Variants in PLEKHG5 observed in about 807,000 individuals in gnomAD.
The protein encoded by PLEKHG5 is pleckstrin homology and RhoGEF domain containing G5, also known as pleckstrin homology domain-containing family G member 5.
A neutral mutation model predicts 103.8 loss-of-function variants in PLEKHG5; 52 were observed. The observed-to-expected ratio is 0.50, with a 90% CI of 0.40 to 0.63. PLEKHG5 has a LOEUF of 0.63. Ranked by LOEUF, PLEKHG5 falls within the 30% of genes least tolerant of loss-of-function variation. The pLI is 0.00. For missense variants in PLEKHG5, 1,205 were observed against 1,347.6 expected (o/e 0.89, Z 1.66); for synonymous variants, 592 against 575.5 (o/e 1.03, Z -0.41).
chr1:6,485,348 AC>A (rs1437679442), intron 1 of PLEKHG5: 11 of 1,423,320 alleles, frequency 7.7e-6, no homozygotes, highest in Middle Eastern at 2.1e-4. Context: ...CGCGGGCACG[AC>A]CCCCGGCCCA....
At chr1:6,475,855 T>C in intron 3 of PLEKHG5, 76 bp downstream of exon 3, 1 of 1,186,412 alleles carries the variant, frequency 8.4e-7, no homozygotes, top group Non-Finnish European at 1.3e-6. Flanking sequence ...CCAGAGCATC[T>C]GGTCCTGAAT....
At chr1:6,476,090 G>A (rs1644759664) in intron 2 of PLEKHG5, 54 bp from the exon 3 acceptor site, 1 of 1,490,282 alleles carries the variant, frequency 6.7e-7, no homozygotes, top group African/African-American at 1.4e-5. Context: ...TTAGCCTGCA[G>A]CATGGCTGCC....
intron 1 of PLEKHG5, among the ~76,000 whole-genome samples, chr1:6,484,807 C>T (rs1264162902): frequency 1.3e-5 from 2 of 152,148 alleles, no homozygotes; most frequent in African/African-American, 2.4e-5. Context: ...AGAGAGCCCA[C>T]CCATGGGAAC....
At chr1:6,485,763 C>T in intron 1 of PLEKHG5, 1 of 564,868 alleles carries the variant, frequency 1.8e-6, no homozygotes, top group Non-Finnish European at 2.3e-6. Context: ...CCGGGGGACC[C>T]CCACAGCCCC....
At chr1:6,501,500 A>G (rs753783109), upstream of PLEKHG5, among the ~76,000 whole-genome samples, 39 of 152,220 alleles carry the variant, frequency 2.6e-4, 1 homozygote, top group Non-Finnish European at 5.4e-4. This position sits in a 1 kb window ranked among gnomAD's most constrained non-coding sequence, Gnocchi z 4.3. Flanking sequence ...AGACGGCTTC[A>G]GGAACGACAC....
chr1:6,490,796 C>A lies in PLEKHG5; in HGVS notation c.-88+841G>T, dbSNP rs987802964. The stretch of plus-strand genomic sequence containing the variant: ...GGAGGGGGTGGGGGGCGTCACTGTC[C>A]CCGAGGGGCCAGCCCTTTGCAGATC... On this transcript the variant is annotated intron_variant, in intron 1 of 20. Transcript: ENST00000377728. The surrounding 1 kb of genome is among the most constrained non-coding windows in gnomAD (Gnocchi z 8.0). 7.9e-5 allele frequency among the ~76,000 whole-genome samples: 12 copies of A among 152,150 alleles called. No individual in the cohort carries two copies. Among genetic ancestry groups the A allele is most frequent in the African/African-American group, 2.9e-4 (12 of 41,430 alleles).
At chr1:6,483,143 G>A (rs1452086886) in intron 1 of PLEKHG5, among the ~76,000 whole-genome samples, 2 of 152,230 alleles carry the variant, frequency 1.3e-5, no homozygotes, top group Non-Finnish European at 2.9e-5. Flanking sequence ...GTTGGTTCTT[G>A]TGTCCCTCCG....
Position 6,468,463 on chromosome 1 carries a change from G to A in PLEKHG5, c.2373C>T (p.Thr791=). The change falls in exon 20 of 21, where the codon ACC becomes ACT. Residue 791 remains threonine (T), a synonymous_variant. Coordinates refer to ENST00000377728, the MANE Select transcript of PLEKHG5 (RefSeq NM_020631.6). The part of the protein sequence containing the change: ...SSQSDETSLS[T]TASSATPTSE... ...TGGTGGGCGTGGCAGATGAGGCAGT[G>A]GTGCTGAGAGAGGTCTCATCAGACT... The A allele has an allele frequency of 1.2e-6, 2 of 1,613,064 alleles. No individual in the cohort carries two copies. The highest frequency in any genetic ancestry group is 2.2e-5 in the South Asian group (2 of 91,076).
At position 6,467,887 on chromosome 1, in the gene PLEKHG5, C is replaced by T; in HGVS notation, c.2949G>A (p.Leu983=). ...TGATTCGGTAGAGCTGGGCCAGGGT[C>T]AGCTTCCTGTGCTGGGCAGAGACCC... The part of the protein sequence containing the change: ...PPGVSAQHRK[L]TLAQLYRIRT... The change falls in exon 20 of 21, where the codon CTG becomes CTA. Residue 983 remains leucine, a synonymous_variant. Coordinates refer to ENST00000377728, the MANE Select transcript of PLEKHG5 (RefSeq NM_020631.6). 6.2e-7 allele frequency: 1 copy of T among 1,611,156 alleles called. No individual in the cohort carries two copies. Among genetic ancestry groups the T allele is most frequent in the Middle Eastern group, 1.7e-4 (1 of 5,786 alleles).
rs1214327374 is a variant in PLEKHG5, at chr1:6,470,740, C to A, written c.1537G>T (p.Ala513Ser). The A allele has an allele frequency of 1.9e-6, 3 of 1,557,220 alleles. No individual in the cohort carries two copies. The African/African-American group carries it at 4.1e-5, about 21-fold the overall frequency. The change falls in exon 14 of 21, where the codon GCC (alanine) becomes TCC (serine). Residue 513 changes from alanine to serine, a missense_variant. Ala to Ser is a moderately conservative substitution (Grantham distance 99). Coordinates refer to ENST00000377728, the MANE Select transcript of PLEKHG5 (RefSeq NM_020631.6). ...EEPRAKEAVV[A>S]MIGSVERFIH... is the part of the protein sequence containing the mutation. ...CCGCTGGCCATCAGGGTTACCATGG[C>A]GACGACGGCCTCCTTGGCGCGCGGC...
In PLEKHG5 at chr1:6,486,748, G is replaced by A. The variant is rs576891559; in HGVS notation, c.-88+4889C>T. On this transcript the variant is annotated intron_variant, in intron 1 of 20. Transcript: ENST00000377728. The surrounding 1 kb of genome is among the most constrained non-coding windows in gnomAD (Gnocchi z 5.3). ...CGCTTTTACACTGATTCCCAGGAAGGCAGGGCAGGCACCATTAGCCCCATT... is the reference window on the plus strand; with the variant it reads ...CGCTTTTACACTGATTCCCAGGAAGACAGGGCAGGCACCATTAGCCCCATT... Among the ~76,000 whole-genome samples, 1 of 152,342 alleles carries A rather than the reference G, an allele frequency of 6.6e-6. No homozygotes were observed. The highest frequency in any genetic ancestry group is 6.5e-5 in the Admixed American group (1 of 15,300).
chr1:6,467,503 C>A lies in PLEKHG5; in HGVS notation c.*60G>T. On this transcript the variant is annotated 3_prime_UTR_variant, in exon 21 of 21. Transcript: ENST00000377728. ...TAGCTGAAGCAGGTGCCGGCACGCC[C>A]CAGGAGGCAGGCTGTCTGCTGTCTC... 1 of 1,569,134 alleles carries A rather than the reference C, an allele frequency of 6.4e-7. No homozygotes were observed. The highest frequency in any genetic ancestry group is 1.1e-5 in the South Asian group (1 of 90,154).
chr1:6,508,579 G>A (rs895190895), intron 1 of PLEKHG5, among the ~76,000 whole-genome samples: 11 of 152,236 alleles, frequency 7.2e-5, no homozygotes, highest in African/African-American at 2.4e-4. Flanking sequence ...TCCAAGGCAG[G>A]TAGACACACC....
upstream of PLEKHG5, among the ~76,000 whole-genome samples, chr1:6,494,844 C>CT (rs1553178752): frequency 2.0e-5 from 3 of 152,262 alleles, no homozygotes; most frequent in African/African-American, 2.4e-5. Context: ...GGCCCAGACT[C>CT]TCCCCGTGCA....
chr1:6,479,041 C>CT (rs58444261), intron 1 of PLEKHG5, among the ~76,000 whole-genome samples: 144,052 of 152,182 alleles, frequency 0.95, 68,594 homozygotes, highest in East Asian at 1. Flanking sequence ...ACCACATCTG[C>CT]TTCTCTCCCA....
chr1:6,505,586 C>T lies in PLEKHG5; in HGVS notation c.-164-9017G>A, dbSNP rs1323573702. On this transcript the variant is annotated intron_variant, in intron 1 of 21. Transcript: ENST00000377740. This position sits in a 1 kb window ranked among gnomAD's most constrained non-coding sequence, Gnocchi z 4.2. The stretch of plus-strand genomic sequence containing the variant: ...CTTCAGGGGCTTAAACTCCCTGTAC[C>T]TCTGTTTCCTCATCTGTAAAATGGG... 6.6e-6 allele frequency among the ~76,000 whole-genome samples: 1 copy of T among 152,186 alleles called. No homozygotes were observed. The highest frequency in any genetic ancestry group is 1.5e-5 in the Non-Finnish European group (1 of 68,036).
At chr1:6,518,461 G>A (rs1570017159) in intron 1 of PLEKHG5, among the ~76,000 whole-genome samples, 3 of 150,968 alleles carry the variant, frequency 2.0e-5, no homozygotes, top group East Asian at 4.0e-4. Flanking sequence ...TCGGGAGGCT[G>A]AGGCAGGAGA....
intron 14 of PLEKHG5, 31 bp from the exon 15 acceptor site, chr1:6,470,674 G>A (rs1489801098): frequency 6.4e-7 from 1 of 1,555,678 alleles, no homozygotes; most frequent in Non-Finnish European, 8.7e-7. Flanking sequence ...TTCAGGTCCA[G>A]GGTCATGACG....
intron 1 of PLEKHG5, chr1:6,506,290 C>G (rs556042147): frequency 2.6e-5 from 4 of 152,470 alleles, no homozygotes; most frequent in Non-Finnish European, 5.9e-5. Context: ...CTGGCAGGCG[C>G]TCCCTCCTCT....
Sources: gnomAD v4.1 joint callset for allele counts (sites outside exome capture counted in the v4.1 genomes callset) on GRCh38, gnomAD v4.1.1 for gene constraint, Gnocchi (gnomAD v3.1) non-coding constraint, MANE v1.5 for transcripts, NCBI Gene and HGNC (gene_info 2026-07-23, HGNC 2026-07-21) for gene names.